AFMID: variants seen among roughly 807,000 people sequenced by gnomAD.
AFMID encodes arylformamidase.
A neutral mutation model predicts 47.5 loss-of-function variants in AFMID; 39 were observed. That is an observed-to-expected ratio of 0.82 (90% CI 0.64 to 1.07). The LOEUF (loss-of-function observed/expected upper bound fraction) is 1.07. Among genes scored for constraint, AFMID ranks in the 50% least tolerant of loss-of-function variants. AFMID has a pLI of 0.00. For missense variants in AFMID, 375 were observed against 387.5 expected (o/e 0.97, Z 0.27); for synonymous variants, 130 against 153.2 (o/e 0.85, Z 1.12).
intron 2 of AFMID, among the ~76,000 whole-genome samples, chr17:78,200,400 C>T (rs139075768): frequency 2.0e-5 from 3 of 152,232 alleles, no homozygotes; most frequent in African/African-American, 7.2e-5. Flanking sequence ...GTGATCTGCC[C>T]GCCTCAGCCT....
At chr17:78,199,791 A>G (rs1303631115) in intron 2 of AFMID, among the ~76,000 whole-genome samples, 1 of 152,204 alleles carries the variant, frequency 6.6e-6, no homozygotes, top group African/African-American at 2.4e-5. Flanking sequence ...TGCAGGTTCT[A>G]CAGGGAACTG....
intron 4 of AFMID, chr17:78,203,382 T>TAA (rs781167024): frequency 7.8e-6 from 1 of 127,816 alleles, no homozygotes; most frequent in Non-Finnish European, 1.7e-5. Flanking sequence ...TTTTTTTTTT[T>TAA]ATAAGGTCAT....
chr17:78,198,909 C>G (rs527746180), intron 2 of AFMID, among the ~76,000 whole-genome samples: 1 of 152,188 alleles, frequency 6.6e-6, no homozygotes, highest in Non-Finnish European at 1.5e-5. Flanking sequence ...CCCTGGCCCC[C>G]GTCAAGGTGG....
At chr17:78,205,211 C>T (rs745348521) in intron 7 of AFMID, 21 bp downstream of exon 7, 1 of 1,599,632 alleles carries the variant, frequency 6.3e-7, no homozygotes, top group South Asian at 1.1e-5. Flanking sequence ...GAGCTACAGC[C>T]TGGCTGGGCA....
Position 78,205,153 on chromosome 17 carries a change from C to T in AFMID, c.528C>T (p.Ala176=), listed in dbSNP as rs762142448. The change falls in exon 7 of 11, where the codon GCC becomes GCT. Residue 176 remains alanine (A), a synonymous_variant. Transcript: ENST00000409257. The stretch of plus-strand genomic sequence containing the variant: ...ACCTGGCTGCCATGATGCTCCTGGC[C>T]GACTGGACCAAGCATGGGGTCACGC... ...GAHLAAMMLL[A]DWTKHGVTPN... 1.6e-5 allele frequency: 26 copies of T among 1,612,834 alleles called. No individual in the cohort carries two copies. Among genetic ancestry groups the T allele is most frequent in the Non-Finnish European group, 1.9e-5 (22 of 1,179,588 alleles).
intron 10 of AFMID, among the ~76,000 whole-genome samples, chr17:78,206,480 T>G (rs2076386096): frequency 6.6e-6 from 1 of 151,822 alleles, no homozygotes; most frequent in Admixed American, 6.6e-5. Context: ...TGGCAAAATC[T>G]TAGCTCTCTG....
At chr17:78,191,343 G>A (rs112117476) in intron 2 of AFMID, among the ~76,000 whole-genome samples, 8 of 152,212 alleles carry the variant, frequency 5.3e-5, no homozygotes, top group South Asian at 2.1e-4. Flanking sequence ...GTAAGGCTGC[G>A]GGCTGTGGTT....
rs1386031024 is a variant in AFMID at position 78,207,048 on chromosome 17, G to A, written c.*111G>A. On this transcript the variant is annotated 3_prime_UTR_variant, in exon 11 of 11. Transcript: ENST00000409257. ...TCAGTTTCCCCCAGCACCCAGGAGA[G>A]CCTTGCTGTGTCTGTCTGCCCGGCA... 2.5e-6 allele frequency: 3 copies of A among 1,181,160 alleles called. No homozygotes were observed. The highest frequency in any genetic ancestry group is 1.8e-5 in the Admixed American group (1 of 55,956). The allele number at this position is 1,181,160 out of a possible 1,614,324, so 73.2% of individuals were successfully genotyped here. A position where few individuals can be genotyped will look rare whatever the true frequency, so the allele number is the denominator to read the frequency against.
intron 2 of AFMID, among the ~76,000 whole-genome samples, chr17:78,194,111 T>G (rs377423821): frequency 1.1e-3 from 64 of 58,668 alleles, no homozygotes; most frequent in African/African-American, 4.3e-3. Context: ...ATGTATTGGG[T>G]TTTTTTTTTT....
intron 4 of AFMID, chr17:78,202,957 TG>T (rs2076285392): frequency 1.3e-5 from 8 of 613,416 alleles, no homozygotes; most frequent in Non-Finnish European, 2.0e-5. Flanking sequence ...CAGCTTCTGG[TG>T]GCCTTAGACA....
At chr17:78,205,211 C>G (rs745348521) in intron 7 of AFMID, 21 bp downstream of exon 7, 1 of 1,599,632 alleles carries the variant, frequency 6.3e-7, no homozygotes. Context: ...GAGCTACAGC[C>G]TGGCTGGGCA....
intron 1 of AFMID, among the ~76,000 whole-genome samples, chr17:78,188,507 C>T (rs1007644062): frequency 6.6e-6 from 1 of 152,174 alleles, no homozygotes; most frequent in African/African-American, 2.4e-5. Context: ...GCAACCTCTA[C>T]CTCCCGGGTT....
At chr17:78,203,039 T>A in intron 4 of AFMID, 2 of 319,110 alleles carry the variant, frequency 6.3e-6, no homozygotes, top group Non-Finnish European at 1.2e-5. Context: ...TTCCTGGGTC[T>A]CAAATCTTCC....
rs2075953427 is a variant in AFMID, at chr17:78,191,023, G to A, written c.117G>A (p.Glu39=). Reference sequence around the variant, plus strand: ...GATGGGTTGTCCGACTGGGAGCAGAGGAAGCCTTGAGGACCTACTCACAGA... The same window carrying A: ...GATGGGTTGTCCGACTGGGAGCAGAAGAAGCCTTGAGGACCTACTCACAGA... ...PSRWVVRLGA[E]EALRTYSQIG... Residue 39 remains glutamate (E), a synonymous_variant, in exon 2 of 11, where the codon GAG becomes GAA. Coordinates refer to ENST00000409257, the MANE Select transcript of AFMID (RefSeq NM_001010982.5). 6.2e-7 allele frequency: 1 copy of A among 1,614,092 alleles called. No homozygotes were observed. The highest frequency in any genetic ancestry group is 8.5e-7 in the Non-Finnish European group (1 of 1,180,010).
intron 2 of AFMID, chr17:78,197,028 C>T (rs1005682846): frequency 1.2e-6 from 1 of 845,740 alleles, no homozygotes; most frequent in Non-Finnish European, 1.9e-6. Flanking sequence ...CTGAGAGAGG[C>T]TTATGCATGA....
intron 2 of AFMID, among the ~76,000 whole-genome samples, chr17:78,197,735 C>T (rs1010142601): frequency 1.3e-5 from 2 of 151,936 alleles, no homozygotes; most frequent in African/African-American, 4.8e-5. Flanking sequence ...GGTATCCAAC[C>T]AGAGTGGTCT....
chr17:78,204,159 G>A (rs1010451985), intron 4 of AFMID: 5 of 166,010 alleles, frequency 3.0e-5, no homozygotes, highest in Admixed American at 5.6e-5. Context: ...ACCAGGCTTA[G>A]AAGTTACACA....
chr17:78,192,374 G>C (rs1394458064), intron 2 of AFMID, among the ~76,000 whole-genome samples: 2 of 144,652 alleles, frequency 1.4e-5, no homozygotes, highest in Non-Finnish European at 3.0e-5. Context: ...GAGTGCAAAG[G>C]TGCAATCTCG....
chr17:78,206,567 C>T (rs943514299), intron 10 of AFMID, among the ~76,000 whole-genome samples: 2 of 112,444 alleles, frequency 1.8e-5, no homozygotes, highest in African/African-American at 4.0e-5. Context: ...CCACTGTGCC[C>T]TGCTAATTAT....
Sources: gnomAD v4.1 joint callset for allele counts (sites outside exome capture counted in the v4.1 genomes callset) on GRCh38, gnomAD v4.1.1 for gene constraint, MANE v1.5 for transcripts, NCBI Gene and HGNC (gene_info 2026-07-23, HGNC 2026-07-21) for gene names.